Variants in ROBO2 observed in about 807,000 individuals in gnomAD.
ROBO2 encodes the protein roundabout guidance receptor 2.
A neutral mutation model predicts 160.8 loss-of-function variants in ROBO2; 53 were observed. That is an observed-to-expected ratio of 0.33 (90% CI 0.26 to 0.41). The LOEUF is 0.41. Among genes scored for constraint, ROBO2 ranks in the 10% least tolerant of loss-of-function variants. The probability of loss-of-function intolerance (pLI) is 1.00; values close to 1 mark genes in which losing one functional copy is unlikely to be tolerated. For synonymous variants in ROBO2, 664 were observed against 611.7 expected (o/e 1.09, Z -1.26); for missense variants, 1,577 against 1,722.4 (o/e 0.92, Z 1.49).
intron 2 of ROBO2, among the ~76,000 whole-genome samples, chr3:76,200,275 G>A (rs1702461041): frequency 6.6e-6 from 1 of 152,138 alleles, no homozygotes; most frequent in Non-Finnish European, 1.5e-5. Context: ...AGTATGGTCA[G>A]TGCCTTTTCC....
chr3:77,627,286 C>T (rs1211174797), intron 23 of ROBO2, among the ~76,000 whole-genome samples: 1 of 150,962 alleles, frequency 6.6e-6, no homozygotes, highest in African/African-American at 2.4e-5. Context: ...TTCTTTCTTT[C>T]TTTTTTTTTC....
intron 2 of ROBO2, among the ~76,000 whole-genome samples, chr3:77,019,589 T>G (rs1327680996): frequency 6.6e-6 from 1 of 152,084 alleles, no homozygotes; most frequent in East Asian, 1.9e-4. Flanking sequence ...AAAGGGAGAA[T>G]GTACACACAA....
chr3:77,124,406 T>G (rs1388701151), intron 2 of ROBO2, among the ~76,000 whole-genome samples: 2 of 152,022 alleles, frequency 1.3e-5, no homozygotes, highest in Admixed American at 6.6e-5. Flanking sequence ...GGAGTAGAGT[T>G]TATATTACTG....
At chr3:76,776,862 T>G (rs974472144) in intron 2 of ROBO2, among the ~76,000 whole-genome samples, 2 of 151,062 alleles carry the variant, frequency 1.3e-5, no homozygotes, top group Non-Finnish European at 3.0e-5. Flanking sequence ...AATTATAATA[T>G]GAAGGGCAGA....
intron 2 of ROBO2, among the ~76,000 whole-genome samples, chr3:75,952,164 T>C (rs1228683399): frequency 6.6e-6 from 1 of 151,966 alleles, no homozygotes; most frequent in Non-Finnish European, 1.5e-5. Context: ...TGTCATGACA[T>C]TGAGTTTTGT....
intron 2 of ROBO2, among the ~76,000 whole-genome samples, chr3:76,749,597 A>C (rs571122102): frequency 6.6e-6 from 1 of 152,218 alleles, no homozygotes; most frequent in African/African-American, 2.4e-5. Context: ...ATTTGAGCAA[A>C]GGTATGGAGT....
chr3:76,647,352 C>T (rs1158466340), intron 2 of ROBO2, among the ~76,000 whole-genome samples: 1 of 152,140 alleles, frequency 6.6e-6, no homozygotes, highest in African/African-American at 2.4e-5. Context: ...GCCTTTCAGT[C>T]TCCCACTAGT....
chr3:76,773,325 A>T (rs2062032843), intron 2 of ROBO2, among the ~76,000 whole-genome samples: 1 of 150,910 alleles, frequency 6.6e-6, no homozygotes, highest in South Asian at 2.1e-4. Context: ...GACTTCATGA[A>T]GGATTTTTTT....
At chr3:76,051,234 T>C (rs2107816028) in intron 2 of ROBO2, among the ~76,000 whole-genome samples, 1 of 145,516 alleles carries the variant, frequency 6.9e-6, no homozygotes, top group East Asian at 2.0e-4. Flanking sequence ...TCGTGTCTGT[T>C]TTCTATATTT....
rs78363424 is a variant in ROBO2 at position 76,149,463 on chromosome 3, G to C, written c.109+211861G>C. 0.023 allele frequency among the ~76,000 whole-genome samples: 3,524 copies of C among 152,208 alleles called. 251 individuals carry two copies. The East Asian group carries it at 0.24, about 10-fold the overall frequency. The stretch of plus-strand genomic sequence containing the variant: ...TCACTCCTGTCTAAAACATGCATCT[G>C]TCTAAAGCACTCATCTGTCTAAAAC... On this transcript the variant is annotated intron_variant, in intron 2 of 26. Coordinates refer to the ROBO2 transcript ENST00000487694.
rs190242859 is a variant in ROBO2 at position 77,343,195 on chromosome 3, G to C, written c.389-134219G>C. ...CTATACAGTCACATTGGGGGTTAGGGCTTTAACATATAAATTTTGAGAGAA... is the reference window on the plus strand; with the variant it reads ...CTATACAGTCACATTGGGGGTTAGGCCTTTAACATATAAATTTTGAGAGAA... On this transcript the variant is annotated intron_variant, in intron 2 of 25. Coordinates refer to ENST00000461745, the Ensembl canonical transcript of ROBO2. Among the ~76,000 whole-genome samples the C allele has an allele frequency of 3.7e-4, 57 of 152,154 alleles. 1 individual carries two copies. Among genetic ancestry groups the C allele is most frequent in the Admixed American group, 7.2e-4 (11 of 15,256 alleles).
At chr3:76,405,240 A>T (rs2078061252) in intron 2 of ROBO2, among the ~76,000 whole-genome samples, 4 of 151,590 alleles carry the variant, frequency 2.6e-5, no homozygotes, top group Admixed American at 2.6e-4. Flanking sequence ...TTCTCATATA[A>T]GGTTAAAAGG....
exon 2 of ROBO2, chr3:77,098,221 T>C: frequency 6.2e-7 from 1 of 1,614,130 alleles, no homozygotes; most frequent in Non-Finnish European, 8.5e-7. Flanking sequence ...AGCGGATCCT[T>C]ATTCTTCTTG....
intron 2 of ROBO2, among the ~76,000 whole-genome samples, chr3:76,056,429 C>A (rs1246979282): frequency 6.6e-6 from 1 of 151,612 alleles, no homozygotes; most frequent in African/African-American, 2.4e-5. Flanking sequence ...AAAAATGGTG[C>A]GTTTTTAAAA....
chr3:76,709,020 C>T (rs1253254290), intron 2 of ROBO2, among the ~76,000 whole-genome samples: 1 of 152,030 alleles, frequency 6.6e-6, no homozygotes, highest in Non-Finnish European at 1.5e-5. Flanking sequence ...CTCAAAAGGT[C>T]AATATAGATA....
chr3:77,602,059 G>A (rs754098980), intron 19 of ROBO2, 151 bp from the exon 21 acceptor site: 34 of 783,948 alleles, frequency 4.3e-5, no homozygotes, highest in Non-Finnish European at 7.2e-5. Context: ...GGCGATGGTT[G>A]TATATCATCT....
chr3:77,626,226 CATT>C (rs1298774541), intron 23 of ROBO2, among the ~76,000 whole-genome samples: 1 of 152,094 alleles, frequency 6.6e-6, no homozygotes, highest in African/African-American at 2.4e-5. Context: ...TCTCTCGAAA[CATT>C]AGTCCTTTTT....
At chr3:76,090,148 C>A (rs564726864) in intron 2 of ROBO2, among the ~76,000 whole-genome samples, 8 of 152,036 alleles carry the variant, frequency 5.3e-5, no homozygotes, top group Non-Finnish European at 4.4e-5. Flanking sequence ...AGGAACACTA[C>A]GAAACTCTCA....
rs189857131 is a variant in ROBO2, at chr3:77,109,101, A to G, written c.388+10761A>G. On this transcript the variant is annotated intron_variant, in intron 2 of 25. Transcript: ENST00000461745. ...AAAAGAGGAGATAAAATGTTGAAAA[A>G]AAAGGTTGATAGAAATTTAAAAAAC... Among the ~76,000 whole-genome samples, 11 of 152,330 alleles carry G rather than the reference A, an allele frequency of 7.2e-5. No homozygotes were observed. In the East Asian group the frequency reaches 1.5e-3, roughly 21 times the overall value.
Sources: gnomAD v4.1 joint callset for allele counts (sites outside exome capture counted in the v4.1 genomes callset) on GRCh38, gnomAD v4.1.1 for gene constraint, MANE v1.5 for transcripts, NCBI Gene and HGNC (gene_info 2026-07-23, HGNC 2026-07-21) for gene names.